The following FAM135B variants were observed in gnomAD, a reference collection of about 807,000 sequenced individuals.
FAM135B encodes the protein family with sequence similarity 135 member B.
A neutral mutation model predicts 127.7 loss-of-function variants in FAM135B; 43 were observed. That is an observed-to-expected ratio of 0.34 (90% CI 0.26 to 0.43). The LOEUF (loss-of-function observed/expected upper bound fraction) is 0.43. FAM135B is among the 20% of genes least tolerant of loss of function. The pLI is 1.00. For missense variants in FAM135B, 1,558 were observed against 1,725.6 expected, an observed-to-expected ratio of 0.90 and a Z score of 1.72; for synonymous variants, 670 against 665.1, an observed-to-expected ratio of 1.01 and a Z score of -0.11.
intron 6 of FAM135B, among the ~76,000 whole-genome samples, chr8:138,248,088 G>A (rs1238470056): frequency 6.6e-6 from 1 of 152,146 alleles, no homozygotes; most frequent in East Asian, 1.9e-4. Context: ...AAAATCGACT[G>A]AATGAATGGC....
At chr8:138,483,774 C>T (rs966992048) in intron 1 of FAM135B, among the ~76,000 whole-genome samples, 10 of 152,158 alleles carry the variant, frequency 6.6e-5, no homozygotes, top group African/African-American at 2.4e-4. Context: ...GCCTCAATTG[C>T]ATTCCACTGG....
chr8:138,409,298 A>C (rs1289520098), intron 1 of FAM135B, among the ~76,000 whole-genome samples: 1 of 152,172 alleles, frequency 6.6e-6, no homozygotes, highest in Admixed American at 6.5e-5. Flanking sequence ...GTCAGAACAC[A>C]CACGACATTT....
intron 1 of FAM135B, among the ~76,000 whole-genome samples, chr8:138,475,206 T>C (rs540692221): frequency 6.6e-6 from 1 of 152,144 alleles, no homozygotes; most frequent in Non-Finnish European, 1.5e-5. Flanking sequence ...AAGACTCTGT[T>C]GGTTTCTGCA....
intron 2 of FAM135B, among the ~76,000 whole-genome samples, chr8:138,330,188 A>G (rs1828067027): frequency 6.6e-6 from 1 of 152,122 alleles, no homozygotes; most frequent in African/African-American, 2.4e-5. Flanking sequence ...TTTACTATCA[A>G]TTGCCTTTTC....
chr8:138,238,587 G>A (rs1416664198), intron 7 of FAM135B, among the ~76,000 whole-genome samples: 2 of 152,222 alleles, frequency 1.3e-5, no homozygotes, highest in Non-Finnish European at 1.5e-5. Context: ...ACGCCAATCA[G>A]CTCGTATTGC....
rs1202263504 is a variant in FAM135B, at chr8:138,486,354, G to T, written c.-20+10317C>A. Among the ~76,000 whole-genome samples the T allele has an allele frequency of 4.6e-5, 7 of 152,208 alleles. No homozygotes were observed. In the East Asian group the frequency reaches 1.2e-3, roughly 25 times the overall value. Reference sequence around the variant, plus strand: ...ATGAGTCCCAAAGAATGAGCCCTGGGGAATGTGTGTGTCTTAAAGGAAGAC... The same window carrying T: ...ATGAGTCCCAAAGAATGAGCCCTGGTGAATGTGTGTGTCTTAAAGGAAGAC... On this transcript the variant is annotated intron_variant, in intron 1 of 19. Transcript: ENST00000395297.
intron 11 of FAM135B, among the ~76,000 whole-genome samples, chr8:138,173,073 T>C (rs985532543): frequency 6.6e-6 from 1 of 152,142 alleles, no homozygotes; most frequent in Non-Finnish European, 1.5e-5. Context: ...AACCAGTTGT[T>C]TGCACAGTAG....
intron 12 of FAM135B, among the ~76,000 whole-genome samples, chr8:138,158,248 T>A (rs954000761): frequency 6.6e-6 from 1 of 152,256 alleles, no homozygotes; most frequent in African/African-American, 2.4e-5. Flanking sequence ...GCTAGCCATA[T>A]GTATAAAAGC....
chr8:138,310,537 A>G (rs1476348604), intron 3 of FAM135B, among the ~76,000 whole-genome samples: 2 of 152,072 alleles, frequency 1.3e-5, no homozygotes, highest in Non-Finnish European at 2.9e-5. Context: ...CACTTGCTGG[A>G]TGTCATTTCC....
At chr8:138,366,253 C>T (rs1456270022) in intron 2 of FAM135B, among the ~76,000 whole-genome samples, 1 of 152,056 alleles carries the variant, frequency 6.6e-6, no homozygotes, top group Non-Finnish European at 1.5e-5. Context: ...AAAAGACAAA[C>T]AAGAAAAATG....
At chr8:138,334,074 C>G (rs1361014036) in intron 2 of FAM135B, among the ~76,000 whole-genome samples, 2 of 152,174 alleles carry the variant, frequency 1.3e-5, no homozygotes, top group African/African-American at 2.4e-5. Context: ...ATGCACACAA[C>G]ACTATGCCCA....
chr8:138,254,487 G>T (rs988397649), intron 5 of FAM135B, among the ~76,000 whole-genome samples: 1 of 152,172 alleles, frequency 6.6e-6, no homozygotes, highest in Non-Finnish European at 1.5e-5. Flanking sequence ...GGGCGGGGTG[G>T]GTTAATGGAG....
At chr8:138,343,989 T>C (rs1829229350) in intron 2 of FAM135B, among the ~76,000 whole-genome samples, 1 of 152,110 alleles carries the variant, frequency 6.6e-6, no homozygotes, top group Admixed American at 6.5e-5. Context: ...GCCATTTAGT[T>C]ATACTCCCTC....
At chr8:138,401,637 C>T (rs1275958393) in intron 1 of FAM135B, among the ~76,000 whole-genome samples, 2 of 152,176 alleles carry the variant, frequency 1.3e-5, no homozygotes, top group East Asian at 3.9e-4. Context: ...GCCTTTTAAC[C>T]TCAGCTGACA....
intron 1 of FAM135B, among the ~76,000 whole-genome samples, chr8:138,455,637 C>T (rs1245179000): frequency 6.6e-6 from 1 of 152,126 alleles, no homozygotes; most frequent in Non-Finnish European, 1.5e-5. Context: ...AAGAGATCAA[C>T]TGCTTCTACA....
rs117133551 is a variant in FAM135B, at chr8:138,143,457, C to T, written c.3541-348G>A. Among the ~76,000 whole-genome samples, 1,181 of 152,182 alleles carry T rather than the reference C, an allele frequency of 7.8e-3. 8 individuals carry two copies. Among genetic ancestry groups the T allele is most frequent in the Middle Eastern group, 0.02 (6 of 294 alleles). ...GGAAATAGACTCTGGGAGGGGAGGC[C>T]GCCTATTCACCTCACATGACCCAGC... is the stretch of plus-strand genomic sequence containing the variant. On this transcript the variant is annotated intron_variant, in intron 15 of 19. Coordinates refer to ENST00000395297, the MANE Select transcript of FAM135B (RefSeq NM_015912.4).
rs1220092978 is a variant in FAM135B at position 138,486,631 on chromosome 8, CTG to C, written c.-20+10038_-20+10039del. Among the ~76,000 whole-genome samples the C allele has an allele frequency of 8.5e-5, 13 of 152,202 alleles. 1 individual carries two copies. The highest frequency in any genetic ancestry group is 7.2e-4 in the Admixed American group (11 of 15,282). ...TGGGCCCTGGCCTCAAGGAGGAAGACTGTGTGGGCCATGTGTGTCCCAGGGCA... is the reference window on the plus strand; with the variant it reads ...TGGGCCCTGGCCTCAAGGAGGAAGACTGTGGGCCATGTGTGTCCCAGGGCA... On this transcript the variant is annotated intron_variant, in intron 1 of 19. Transcript: ENST00000395297.
intron 2 of FAM135B, among the ~76,000 whole-genome samples, chr8:138,352,231 G>A (rs1452698286): frequency 6.6e-6 from 1 of 152,144 alleles, no homozygotes; most frequent in Admixed American, 6.5e-5. Context: ...TTACTGGGAT[G>A]CATTTTAATA....
intron 3 of FAM135B, 66 bp from the exon 4 acceptor site, chr8:138,265,908 G>A (rs1563836611): frequency 7.8e-6 from 12 of 1,530,464 alleles, no homozygotes; most frequent in Middle Eastern, 2.4e-4. Flanking sequence ...AGCCCTGTCA[G>A]GTGTCTTTCC....
Sources: allele counts gnomAD v4.1 joint callset (sites outside exome capture counted in the v4.1 genomes callset), GRCh38; gene constraint gnomAD v4.1.1; transcripts MANE v1.5; gene names NCBI Gene and HGNC (gene_info 2026-07-23, HGNC 2026-07-21).